C12orf42: variants seen among roughly 807,000 people sequenced by gnomAD.
The protein encoded by C12orf42 is chromosome 12 open reading frame 42.
A neutral mutation model predicts 21.6 loss-of-function variants in C12orf42; 25 were observed. The ratio of observed to expected loss-of-function variants is 1.16; its 90% CI spans 0.84 to 1.62. The LOEUF is 1.62. C12orf42 is among the 40% of genes most tolerant of loss of function. C12orf42 has a pLI of 0.00. For synonymous variants in C12orf42, 174 were observed against 175.0 expected, an observed-to-expected ratio of 0.99 and a Z score of 0.05; for missense variants, 483 against 459.3, an observed-to-expected ratio of 1.05 and a Z score of -0.47.
At chr12:103,399,623 C>A (rs2047823179) in intron 3 of C12orf42, among the ~76,000 whole-genome samples, 1 of 151,998 alleles carries the variant, frequency 6.6e-6, no homozygotes, top group Admixed American at 6.6e-5. Context: ...GCTTTCATAA[C>A]AAAGCAGTTT....
chr12:103,209,927 C>T, the C12orf42 span, among the ~76,000 whole-genome samples: 1 of 152,168 alleles, frequency 6.6e-6, no homozygotes, highest in Non-Finnish European at 1.5e-5. Context: ...GAACCACACA[C>T]ACATAGTTTA....
the C12orf42 span, among the ~76,000 whole-genome samples, chr12:103,539,579 AT>A: frequency 0.029 from 4,208 of 146,090 alleles, 146 homozygotes; most frequent in African/African-American, 0.095. Context: ...TGTAAGTTTA[AT>A]TTTTTTTTTT....
chr12:103,399,647 GAATTATTTAT>G (rs2047827940), intron 3 of C12orf42, among the ~76,000 whole-genome samples: 1 of 102,004 alleles, frequency 9.8e-6, no homozygotes, highest in South Asian at 3.9e-4. Flanking sequence ...GGAACTACCT[GAATTATTTAT>G]CTGAATTATT....
chr12:103,541,790 T>C, the C12orf42 span, among the ~76,000 whole-genome samples: 1 of 152,118 alleles, frequency 6.6e-6, no homozygotes, highest in African/African-American at 2.4e-5. Flanking sequence ...TGGCCCCTAA[T>C]TGTACAAAAG....
chr12:103,205,412 G>A, the C12orf42 span, among the ~76,000 whole-genome samples: 1 of 152,076 alleles, frequency 6.6e-6, no homozygotes, highest in Non-Finnish European at 1.5e-5. Context: ...CATGTGCAGG[G>A]GAACTCCCCT....
chr12:103,135,675 T>G, the C12orf42 span, among the ~76,000 whole-genome samples: 1 of 152,108 alleles, frequency 6.6e-6, no homozygotes, highest in South Asian at 2.1e-4. Context: ...ACTAGCAAAC[T>G]GAATCTAACA....
intron 2 of C12orf42, among the ~76,000 whole-genome samples, chr12:103,472,244 C>T (rs909094830): frequency 1.3e-5 from 2 of 151,646 alleles, no homozygotes; most frequent in African/African-American, 4.8e-5. Context: ...TCAGTAGAGA[C>T]GGGGTTTCAC....
intron 4 of C12orf42, among the ~76,000 whole-genome samples, chr12:103,281,245 T>C (rs138180082): frequency 7.4e-4 from 112 of 152,320 alleles, no homozygotes; most frequent in African/African-American, 2.6e-3. Context: ...AAAACGAAGA[T>C]TCCAAGTGAC....
At chr12:103,118,614 C>A in the C12orf42 span, among the ~76,000 whole-genome samples, 3 of 151,680 alleles carry the variant, frequency 2.0e-5, no homozygotes, top group East Asian at 3.9e-4. Context: ...CTGGCTAACA[C>A]GGTGAAACCC....
rs1374613578 is a variant in C12orf42 at position 103,354,217 on chromosome 12, T to C, written c.259+14670A>G. On this transcript the variant is annotated intron_variant, in intron 4 of 5. Coordinates refer to ENST00000548883, the MANE Select transcript of C12orf42 (RefSeq NM_198521.5). ...GGCTGCTATTAGTCCAGTAGAATGA[T>C]GGTGTATGATAACAGTCACAGAAAC... Among the ~76,000 whole-genome samples the C allele has an allele frequency of 2.6e-5, 4 of 152,276 alleles. No homozygotes were observed. The East Asian group carries it at 5.8e-4, about 22-fold the overall frequency.
At chr12:103,432,372 T>C (rs1950329539) in intron 2 of C12orf42, among the ~76,000 whole-genome samples, 1 of 152,214 alleles carries the variant, frequency 6.6e-6, no homozygotes, top group African/African-American at 2.4e-5. Flanking sequence ...AACAACCACC[T>C]GACCATCAAC....
At chr12:103,051,890 C>CT in the C12orf42 span, among the ~76,000 whole-genome samples, 1 of 152,184 alleles carries the variant, frequency 6.6e-6, no homozygotes. Context: ...CTTCCTCCCA[C>CT]TTATTACACT....
chr12:103,175,839 A>G, the C12orf42 span, among the ~76,000 whole-genome samples: 5 of 152,180 alleles, frequency 3.3e-5, no homozygotes, highest in Admixed American at 6.5e-5. Context: ...TGATTAAATC[A>G]GCCAATTAAT....
the C12orf42 span, among the ~76,000 whole-genome samples, chr12:103,552,569 G>T: frequency 1.3e-5 from 2 of 152,164 alleles, no homozygotes; most frequent in Non-Finnish European, 2.9e-5. Flanking sequence ...GGGATCAAAT[G>T]AAATTTGGGA....
the C12orf42 span, among the ~76,000 whole-genome samples, chr12:103,113,760 C>A: frequency 6.6e-6 from 1 of 152,130 alleles, no homozygotes; most frequent in African/African-American, 2.4e-5. Context: ...TATGCTAATT[C>A]CCTTCTAAGT....
At chr12:103,240,867 G>A (rs1469510259) in intron 10 of C12orf42, among the ~76,000 whole-genome samples, 1 of 151,986 alleles carries the variant, frequency 6.6e-6, no homozygotes, top group African/African-American at 2.4e-5. Flanking sequence ...TGTATCCTAA[G>A]CACTTAATAT....
At chr12:103,084,728 T>C in the C12orf42 span, among the ~76,000 whole-genome samples, 1 of 152,148 alleles carries the variant, frequency 6.6e-6, no homozygotes, top group African/African-American at 2.4e-5. Flanking sequence ...TGGAAGCCAA[T>C]TGGTATATGT....
chr12:103,089,261 C>T, the C12orf42 span, among the ~76,000 whole-genome samples: 1 of 152,078 alleles, frequency 6.6e-6, no homozygotes, highest in African/African-American at 2.4e-5. Flanking sequence ...AACCACTCAC[C>T]TTAGCAGCTC....
the C12orf42 span, among the ~76,000 whole-genome samples, chr12:103,202,274 A>G: frequency 6.6e-6 from 1 of 152,200 alleles, no homozygotes; most frequent in Non-Finnish European, 1.5e-5. Flanking sequence ...ATCTGTTTAC[A>G]TACTTCACTT....
Sources: allele counts gnomAD v4.1 joint callset (sites outside exome capture counted in the v4.1 genomes callset), GRCh38; gene constraint gnomAD v4.1.1; transcripts MANE v1.5; gene names NCBI Gene and HGNC (gene_info 2026-07-23, HGNC 2026-07-21).